The following PPFIBP2 variants were observed in gnomAD, a reference collection of about 807,000 sequenced individuals.
PPFIBP2 encodes the protein liprin-beta-2.
Under a neutral mutation model 118.3 loss-of-function variants are expected in PPFIBP2, and 118 were observed. That is an observed-to-expected ratio of 1.00 (90% CI 0.86 to 1.16). The LOEUF (loss-of-function observed/expected upper bound fraction) is 1.16. Among genes scored for constraint, PPFIBP2 ranks in the 50% most tolerant of loss-of-function variants. PPFIBP2 has a pLI of 0.00. For synonymous variants in PPFIBP2, 414 were observed against 397.4 expected, an observed-to-expected ratio of 1.04 and a Z score of -0.50; for missense variants, 1,195 against 1,073.1, an observed-to-expected ratio of 1.11 and a Z score of -1.59.
chr11:7,605,517 C>G (rs1847229859), intron 5 of PPFIBP2, among the ~76,000 whole-genome samples: 1 of 152,192 alleles, frequency 6.6e-6, no homozygotes, highest in Non-Finnish European at 1.5e-5. Flanking sequence ...TTGCCTTTCA[C>G]TAGCAATTTT....
intron 1 of PPFIBP2, among the ~76,000 whole-genome samples, chr11:7,541,183 G>A (rs189508669): frequency 1.3e-5 from 2 of 152,346 alleles, no homozygotes; most frequent in Non-Finnish European, 2.9e-5. Flanking sequence ...AGCCATAAAG[G>A]TCAGGCTCTC....
At position 7,607,894 on chromosome 11, in the gene PPFIBP2, C is replaced by T. The variant is rs187696220; in HGVS notation, c.487-2397C>T. Among the ~76,000 whole-genome samples, 6 of 152,206 alleles carry T rather than the reference C, an allele frequency of 3.9e-5. No homozygotes were observed. The East Asian group carries it at 1.2e-3, about 29-fold the overall frequency. The stretch of plus-strand genomic sequence containing the variant: ...TAATTTGAAATATCTATTTTGCAAA[C>T]TGCCTAAACACATTTTGGGAATAAG... On this transcript the variant is annotated intron_variant, in intron 5 of 23. Transcript: ENST00000299492.
chr11:7,598,069 C>T (rs951090643), intron 5 of PPFIBP2: 1 of 162,556 alleles, frequency 6.2e-6, no homozygotes, highest in African/African-American at 2.4e-5. Context: ...CCTCTTCCTA[C>T]TGTATATAGT....
intron 2 of PPFIBP2, among the ~76,000 whole-genome samples, chr11:7,558,257 T>A (rs191241187): frequency 6.6e-6 from 1 of 152,150 alleles, no homozygotes; most frequent in African/African-American, 2.4e-5. Context: ...GGAAGAGATA[T>A]GAGGAATTGT....
chr11:7,549,839 T>C (rs528136064), intron 2 of PPFIBP2, among the ~76,000 whole-genome samples: 1 of 152,196 alleles, frequency 6.6e-6, no homozygotes, highest in Non-Finnish European at 1.5e-5. Flanking sequence ...AGACTGATTC[T>C]AATGTAAAAT....
At chr11:7,614,962 TG>T (rs1341332611) in intron 6 of PPFIBP2, among the ~76,000 whole-genome samples, 4 of 152,028 alleles carry the variant, frequency 2.6e-5, no homozygotes, top group African/African-American at 7.2e-5. Flanking sequence ...GAACCCAGAA[TG>T]GAACAGAGCT....
rs1853470185 is a variant in PPFIBP2 at position 7,648,517 on chromosome 11, A to AC, written c.1781dup (p.Gln595SerfsTer10). On this transcript the variant is annotated frameshift_variant, in exon 18 of 24. Transcript: ENST00000299492. LOFTEE classifies it high-confidence loss of function. ...TTCTGGCCACACCTTATTGACAGCC[A>AC]CCCCTCAGGACATGGAAAAGGTAAG... The AC allele has an allele frequency of 1.2e-6, 2 of 1,613,748 alleles. No homozygotes were observed. The highest frequency in any genetic ancestry group is 1.1e-5 in the South Asian group (1 of 91,068).
intron 3 of PPFIBP2, among the ~76,000 whole-genome samples, chr11:7,585,900 T>G (rs1258010437): frequency 1.3e-5 from 2 of 152,242 alleles, no homozygotes; most frequent in African/African-American, 4.8e-5. Flanking sequence ...GATTGGTTAT[T>G]ACTAGCTATA....
At chr11:7,612,089 T>C (rs1848137108) in intron 6 of PPFIBP2, among the ~76,000 whole-genome samples, 1 of 152,220 alleles carries the variant, frequency 6.6e-6, no homozygotes, top group Non-Finnish European at 1.5e-5. Flanking sequence ...GAGACCTATG[T>C]CACATAACTT....
chr11:7,550,197 T>A lies in PPFIBP2; in HGVS notation c.64+658T>A, dbSNP rs192264780. On this transcript the variant is annotated intron_variant, in intron 2 of 23. Transcript: ENST00000299492. ...AGCCTATATTGATTAGACCAAACGT[T>A]TTGTTGGAAATCTTTCCAGAAGGTC... Among the ~76,000 whole-genome samples, 8 of 152,338 alleles carry A rather than the reference T, an allele frequency of 5.3e-5. No homozygotes were observed. In the East Asian group the frequency reaches 1.5e-3, roughly 29 times the overall value.
intron 3 of PPFIBP2, among the ~76,000 whole-genome samples, chr11:7,571,254 A>G (rs1331545705): frequency 1.3e-5 from 2 of 152,174 alleles, no homozygotes; most frequent in African/African-American, 4.8e-5. Context: ...TGGGGAGCAC[A>G]GCCACCCCCC....
intron 4 of PPFIBP2, chr11:7,597,324 A>G: frequency 6.5e-7 from 1 of 1,535,720 alleles, no homozygotes; most frequent in Non-Finnish European, 8.7e-7. Flanking sequence ...TATCAAGAGC[A>G]GTAAACGTGA....
At chr11:7,664,536 A>T in the PPFIBP2 span, among the ~76,000 whole-genome samples, 2 of 152,184 alleles carry the variant, frequency 1.3e-5, no homozygotes, top group Admixed American at 1.3e-4. Context: ...CTGACAACCA[A>T]CATGTCTTTG....
chr11:7,553,554 A>G (rs1201631353), intron 2 of PPFIBP2, among the ~76,000 whole-genome samples: 4 of 152,170 alleles, frequency 2.6e-5, no homozygotes, highest in Non-Finnish European at 5.9e-5. Context: ...GTTGGACTGT[A>G]GGGGTTTGAA....
chr11:7,625,929 G>A, intron 8 of PPFIBP2, 38 bp downstream of exon 8: 1 of 1,531,994 alleles, frequency 6.5e-7, no homozygotes, highest in Non-Finnish European at 9.0e-7. Context: ...AGTTGTCTGG[G>A]TCCCTGGGTC....
chr11:7,624,766 A>G (rs763889300), intron 7 of PPFIBP2, among the ~76,000 whole-genome samples: 1 of 152,230 alleles, frequency 6.6e-6, no homozygotes, highest in Non-Finnish European at 1.5e-5. Context: ...TATACTAAAT[A>G]TTGGACTAGG....
chr11:7,602,070 G>A (rs936984481), intron 5 of PPFIBP2, among the ~76,000 whole-genome samples: 2 of 127,720 alleles, frequency 1.6e-5, no homozygotes, highest in Non-Finnish European at 3.2e-5. Flanking sequence ...TCCAGCCTGG[G>A]CAACAAGAAT....
intron 4 of PPFIBP2, among the ~76,000 whole-genome samples, chr11:7,593,884 T>G (rs181171447): frequency 6.6e-6 from 1 of 152,386 alleles, no homozygotes; most frequent in East Asian, 1.9e-4. Context: ...CCCAGCACTT[T>G]GCTGTGTTAG....
chr11:7,646,418 ACTT>A (rs1467816287), intron 17 of PPFIBP2, among the ~76,000 whole-genome samples: 2 of 152,244 alleles, frequency 1.3e-5, no homozygotes, highest in African/African-American at 4.8e-5. Flanking sequence ...TGAAGATAAA[ACTT>A]CTTAACTATT....
Sources: gnomAD v4.1 joint callset for allele counts (sites outside exome capture counted in the v4.1 genomes callset) on GRCh38, gnomAD v4.1.1 for gene constraint, MANE v1.5 for transcripts, NCBI Gene and HGNC (gene_info 2026-07-23, HGNC 2026-07-21) for gene names.